Variants in ENTREP2 observed in about 807,000 individuals in gnomAD.
ENTREP2 encodes the protein endosomal transmembrane epsin interactor 2.
the ENTREP2 span, among the ~76,000 whole-genome samples, chr15:29,246,968 G>C: frequency 1.7e-5 from 2 of 116,870 alleles, no homozygotes; most frequent in East Asian, 5.7e-4. Flanking sequence ...ATGATGACTG[G>C]AAAGGCACAC....
chr15:29,244,301 G>C, the ENTREP2 span, among the ~76,000 whole-genome samples: 1 of 152,260 alleles, frequency 6.6e-6, no homozygotes, highest in Non-Finnish European at 1.5e-5. Flanking sequence ...ATTAATAAAG[G>C]CATCTCTCAG....
chr15:29,611,937 C>T, the ENTREP2 span, among the ~76,000 whole-genome samples: 1 of 152,212 alleles, frequency 6.6e-6, no homozygotes, highest in South Asian at 2.1e-4. Context: ...TCCACTCCTT[C>T]AAGCTTGGAT....
chr15:29,433,403 A>G, the ENTREP2 span, among the ~76,000 whole-genome samples: 29 of 152,330 alleles, frequency 1.9e-4, no homozygotes, highest in Non-Finnish European at 3.7e-4. Flanking sequence ...CTTTACCCTT[A>G]GAAACTCAAC....
At chr15:29,216,890 C>A in the ENTREP2 span, among the ~76,000 whole-genome samples, 1 of 152,132 alleles carries the variant, frequency 6.6e-6, no homozygotes, top group East Asian at 1.9e-4. Flanking sequence ...AAACACCACA[C>A]TTTGAGACAA....
At chr15:29,519,057 C>G in the ENTREP2 span, among the ~76,000 whole-genome samples, 1 of 152,112 alleles carries the variant, frequency 6.6e-6, no homozygotes. Flanking sequence ...AGCACCAAGT[C>G]CTCTTACCAA....
the ENTREP2 span, among the ~76,000 whole-genome samples, chr15:29,327,012 CA>C: frequency 2.7e-5 from 4 of 148,942 alleles, no homozygotes; most frequent in Non-Finnish European, 6.0e-5. Context: ...CATCTATATG[CA>C]AAAAAAAAGA....
the ENTREP2 span, among the ~76,000 whole-genome samples, chr15:29,582,973 T>C: frequency 7.2e-5 from 11 of 151,938 alleles, no homozygotes; most frequent in Non-Finnish European, 1.6e-4. Context: ...AGATTTGAAA[T>C]TGCACATTAA....
At chr15:29,193,611 G>A in the ENTREP2 span, among the ~76,000 whole-genome samples, 1 of 152,160 alleles carries the variant, frequency 6.6e-6, no homozygotes, top group Admixed American at 6.5e-5. Flanking sequence ...GGACTTCTTA[G>A]TCTCCATGGT....
chr15:29,361,854 A>G, the ENTREP2 span, among the ~76,000 whole-genome samples: 1 of 152,380 alleles, frequency 6.6e-6, no homozygotes, highest in South Asian at 2.1e-4. Context: ...AGCCTCCATT[A>G]GCAGCAGCTG....
At chr15:29,568,579 C>A in the ENTREP2 span, among the ~76,000 whole-genome samples, 1 of 152,126 alleles carries the variant, frequency 6.6e-6, no homozygotes, top group Non-Finnish European at 1.5e-5. Flanking sequence ...TGGTACACAC[C>A]TGTAGTCCTA....
the ENTREP2 span, among the ~76,000 whole-genome samples, chr15:29,311,645 G>A: frequency 6.6e-6 from 1 of 152,082 alleles, no homozygotes; most frequent in African/African-American, 2.4e-5. Flanking sequence ...AGCTGAGATC[G>A]TGCCACTGCA....
chr15:29,456,414 A>G, the ENTREP2 span, among the ~76,000 whole-genome samples: 5 of 152,208 alleles, frequency 3.3e-5, no homozygotes, highest in African/African-American at 1.2e-4. Context: ...ACATGAATCA[A>G]GAGACAGACA....
the ENTREP2 span, among the ~76,000 whole-genome samples, chr15:29,461,520 C>T: frequency 5.3e-5 from 8 of 152,136 alleles, no homozygotes; most frequent in African/African-American, 1.9e-4. Context: ...CTTGCTCTGT[C>T]GCCCAGGCTA....
the ENTREP2 span, among the ~76,000 whole-genome samples, chr15:29,656,467 T>A: frequency 6.6e-6 from 1 of 152,170 alleles, no homozygotes; most frequent in African/African-American, 2.4e-5. Context: ...GTGCAGGCAA[T>A]CTGCCTGCCT....
the ENTREP2 span, among the ~76,000 whole-genome samples, chr15:29,542,071 C>T: frequency 2.2e-4 from 34 of 152,214 alleles, no homozygotes; most frequent in Non-Finnish European, 3.4e-4. Flanking sequence ...GGCAGTGGTG[C>T]GATCTCGGTT....
the ENTREP2 span, among the ~76,000 whole-genome samples, chr15:29,562,434 A>C: frequency 6.6e-6 from 1 of 152,238 alleles, no homozygotes; most frequent in Non-Finnish European, 1.5e-5. Flanking sequence ...CAAAACACTG[A>C]GAAAAAGACT....
At chr15:29,624,333 GCA>G in the ENTREP2 span, among the ~76,000 whole-genome samples, 99 of 151,064 alleles carry the variant, frequency 6.6e-4, 1 homozygote, top group African/African-American at 1.6e-3. Flanking sequence ...ATGCACGTGC[GCA>G]CACACACACA....
At chr15:29,364,555 A>G in the ENTREP2 span, among the ~76,000 whole-genome samples, 1 of 152,130 alleles carries the variant, frequency 6.6e-6, no homozygotes, top group Non-Finnish European at 1.5e-5. Flanking sequence ...GCTTCAGTCT[A>G]AGTGCCTTCC....
chr15:29,537,039 C>G, the ENTREP2 span, among the ~76,000 whole-genome samples: 1 of 152,194 alleles, frequency 6.6e-6, no homozygotes, highest in African/African-American at 2.4e-5. Context: ...CTAATCTGGG[C>G]AGCTCTAGCA....
Sources: allele counts gnomAD v4.1 joint callset (sites outside exome capture counted in the v4.1 genomes callset), GRCh38; gene constraint gnomAD v4.1.1; transcripts MANE v1.5; gene names NCBI Gene and HGNC (gene_info 2026-07-23, HGNC 2026-07-21).